The following SMARCA5 variants were observed in gnomAD, a reference collection of about 807,000 sequenced individuals.
SMARCA5 encodes the protein SWI/SNF-related matrix-associated actin-dependent regulator of chromatin subfamily A member 5.
Under a neutral mutation model 140.4 loss-of-function variants are expected in SMARCA5, and 18 were observed. The ratio of observed to expected loss-of-function variants is 0.13; its 90% CI spans 0.09 to 0.19. The LOEUF (loss-of-function observed/expected upper bound fraction) is 0.19. SMARCA5 is among the 10% of genes least tolerant of loss of function. The pLI, the probability that SMARCA5 is intolerant of heterozygous loss-of-function variation, is 1.00. For synonymous variants in SMARCA5, 449 were observed against 419.6 expected (o/e 1.07, Z -0.86); for missense variants, 606 against 1,276.8 (o/e 0.47, Z 8.01).
intron 2 of SMARCA5, among the ~76,000 whole-genome samples, chr4:143,520,126 G>C (rs1415812583): frequency 6.6e-6 from 1 of 152,064 alleles, no homozygotes; most frequent in African/African-American, 2.4e-5. Context: ...AGACATTTCA[G>C]TTTTAACCTT....
intron 11 of SMARCA5, 125 bp from the exon 12 acceptor site, chr4:143,538,465 T>TG: frequency 1.4e-6 from 1 of 713,600 alleles, no homozygotes; most frequent in Non-Finnish European, 2.4e-6. Flanking sequence ...TGTAGATTTT[T>TG]TTCCCCCTTG....
In SMARCA5 at chr4:143,556,375, G is replaced by GT. The variant is rs1363542895; in HGVS notation, c.*3192dup. 6.6e-6 allele frequency: 1 copy of GT among 152,142 alleles called. No homozygotes were observed. Among genetic ancestry groups the GT allele is most frequent in the Non-Finnish European group, 1.5e-5 (1 of 68,020 alleles). The allele number at this position is 152,142 out of a possible 1,614,324, so 9.4% of individuals were successfully genotyped here. A position where few individuals can be genotyped will look rare whatever the true frequency, so the allele number is the denominator to read the frequency against. ...CTGTGGTTTTTCAGAAAAATTCTGAGTAAAAAATAAATTTCATCTTGTTCT... is the reference window on the plus strand; with the variant it reads ...CTGTGGTTTTTCAGAAAAATTCTGAGTTAAAAAATAAATTTCATCTTGTTCT... On this transcript the variant is annotated 3_prime_UTR_variant, in exon 24 of 24. Coordinates refer to ENST00000283131, the MANE Select transcript of SMARCA5 (RefSeq NM_003601.4).
chr4:143,545,415 C>A, intron 17 of SMARCA5, 55 bp from the exon 18 acceptor site: 1 of 1,102,246 alleles, frequency 9.1e-7, no homozygotes. Context: ...ACTAAGGATA[C>A]ATTTAAAATG....
chr4:143,539,195 G>C (rs1737377390), intron 13 of SMARCA5, among the ~76,000 whole-genome samples: 1 of 152,112 alleles, frequency 6.6e-6, no homozygotes, highest in South Asian at 2.1e-4. Context: ...TAGAGTTGGG[G>C]ATTTCCCAGG....
intron 14 of SMARCA5, among the ~76,000 whole-genome samples, chr4:143,542,200 A>C (rs1737442213): frequency 6.6e-6 from 1 of 152,132 alleles, no homozygotes; most frequent in African/African-American, 2.4e-5. Flanking sequence ...TAATTGATTC[A>C]TAATTAATTT....
chr4:143,544,947 CT>C (rs11289994), intron 17 of SMARCA5, 100 bp downstream of exon 17: 174,097 of 360,296 alleles, frequency 0.48, 19,927 homozygotes, highest in African/African-American at 0.6. Context: ...TTTTGTGTTT[CT>C]TTTTTTTTTT....
In SMARCA5 at chr4:143,540,470, A is replaced by G. The variant is rs1398766802; in HGVS notation, c.1878A>G (p.Arg626=). 1.9e-6 allele frequency: 3 copies of G among 1,612,646 alleles called. No homozygotes were observed. Among genetic ancestry groups the G allele is most frequent in the South Asian group, 2.2e-5 (2 of 90,864 alleles). Residue 626 remains arginine, a synonymous_variant, in exon 14 of 24, where the codon AGA becomes AGG. Transcript: ENST00000283131. ...RIVERAEMKL[R]LDSIVIQQGR... ...TAGAACGTGCTGAGATGAAACTCAGACTGGATTCAATAGTCATTCAACAAG... is the reference window on the plus strand; with the variant it reads ...TAGAACGTGCTGAGATGAAACTCAGGCTGGATTCAATAGTCATTCAACAAG...
At chr4:143,519,641 A>G (rs188366067) in intron 2 of SMARCA5, among the ~76,000 whole-genome samples, 8 of 152,252 alleles carry the variant, frequency 5.3e-5, no homozygotes, top group Admixed American at 2.0e-4. Context: ...CTTCTAAGCA[A>G]GAAGCTCCCT....
chr4:143,538,553 G>GA (rs1216291751), intron 11 of SMARCA5, 37 bp from the exon 12 acceptor site: 9 of 1,583,832 alleles, frequency 5.7e-6, no homozygotes, highest in Non-Finnish European at 7.8e-6. Context: ...TTCTACTTTT[G>GA]AAGCCACTGA....
At position 143,539,661 on chromosome 4, in the gene SMARCA5, C is replaced by T. The variant is rs188102943; in HGVS notation, c.1771-702C>T. Among the ~76,000 whole-genome samples the T allele has an allele frequency of 4.4e-3, 676 of 151,982 alleles. 3 individuals are homozygous for T. The highest frequency in any genetic ancestry group is 0.016 in the African/African-American group (646 of 41,438). ...AAGTGATTCTCCTGCCTCAGCCTCC[C>T]GAGTAGCTGGGATTACAGGTGTGCG... is the stretch of plus-strand genomic sequence containing the variant. On this transcript the variant is annotated intron_variant, in intron 13 of 23. Transcript: ENST00000283131.
chr4:143,513,953 C>A lies in SMARCA5; in HGVS notation c.29C>A (p.Pro10His). The A allele has an allele frequency of 6.4e-7, 1 of 1,551,066 alleles. No homozygotes were observed. MSSAAEPPP[P>H]PPPESAPSKP... ...TCGTCCGCGGCCGAGCCTCCGCCAC[C>A]CCCGCCTCCCGAGAGCGCGCCTTCC... Residue 10 changes from proline to histidine, a missense_variant, in exon 1 of 24, where the codon CCC becomes CAC. Pro to His is a moderately conservative substitution (Grantham distance 77). Transcript: ENST00000283131.
intron 7 of SMARCA5, 127 bp from the exon 8 acceptor site, chr4:143,528,456 A>G (rs1036368009): frequency 1.4e-6 from 1 of 694,950 alleles, no homozygotes; most frequent in African/African-American, 1.8e-5. Flanking sequence ...TCGCTGATGT[A>G]TATGTGCCAT....
Position 143,527,886 on chromosome 4 carries a change from G to A in SMARCA5, c.820G>A (p.Val274Ile), listed in dbSNP as rs756987133. The A allele has an allele frequency of 1.3e-5, 20 of 1,592,580 alleles. No individual in the cohort carries two copies. The highest frequency in any genetic ancestry group is 1.9e-5 in the Admixed American group (1 of 52,892). Residue 274 changes from valine to isoleucine, a missense_variant, in exon 7 of 24, where the codon GTT becomes ATT. Val to Ile is a conservative substitution (Grantham distance 29). Transcript: ENST00000283131. ...KEQRAAFVRDVLLPGEWDVCV... is the reference protein window; with the variant it reads ...KEQRAAFVRDILLPGEWDVCV... ...TACACAGGCTGCTTTTGTCAGAGAC[G>A]TTTTATTACCGGGAGAATGGGATGT... is the stretch of plus-strand genomic sequence containing the variant.
chr4:143,555,303 C>T lies in SMARCA5; in HGVS notation c.*2119C>T, dbSNP rs150538547. On this transcript the variant is annotated 3_prime_UTR_variant, in exon 24 of 24. Coordinates refer to ENST00000283131, the MANE Select transcript of SMARCA5 (RefSeq NM_003601.4). The stretch of plus-strand genomic sequence containing the variant: ...TTGCCAAAATCATTGTAGCTTTTAC[C>T]ACCTCCAAAATTGCTTCAATCATTA... The T allele has an allele frequency of 1.0e-3, 804 of 769,464 alleles. 5 individuals carry two copies. In the African/African-American group the frequency reaches 0.011, roughly 11 times the overall value. The allele number at this position is 769,464 out of a possible 1,614,324, so 47.7% of individuals were successfully genotyped here.
intron 4 of SMARCA5, among the ~76,000 whole-genome samples, chr4:143,525,184 A>G (rs1221610948): frequency 6.6e-6 from 1 of 152,126 alleles, no homozygotes; most frequent in African/African-American, 2.4e-5. Context: ...CTCTCAGACC[A>G]GTATATGGGT....
chr4:143,527,631 A>C (rs1279274267), intron 6 of SMARCA5, among the ~76,000 whole-genome samples: 3 of 152,012 alleles, frequency 2.0e-5, no homozygotes, highest in Non-Finnish European at 4.4e-5. Context: ...TGTCTATTGA[A>C]TTTTTCACTG....
At chr4:143,543,267 G>C (rs562894498) in intron 14 of SMARCA5, among the ~76,000 whole-genome samples, 2 of 152,238 alleles carry the variant, frequency 1.3e-5, no homozygotes, top group South Asian at 4.1e-4. Flanking sequence ...CGTTGGCACA[G>C]TATACAGCAG....
chr4:143,543,459 G>A (rs374883751), intron 14 of SMARCA5, 50 bp from the exon 15 acceptor site: 3 of 1,494,196 alleles, frequency 2.0e-6, no homozygotes, highest in Non-Finnish European at 2.7e-6. Context: ...CAAGTTTCCA[G>A]TAAAATAAAG....
intron 9 of SMARCA5, among the ~76,000 whole-genome samples, chr4:143,533,975 C>G (rs1737251418): frequency 6.6e-6 from 1 of 152,122 alleles, no homozygotes; most frequent in East Asian, 1.9e-4. Flanking sequence ...TTTTAAGAAA[C>G]ATTTATTTTG....
Sources: allele counts gnomAD v4.1 joint callset (sites outside exome capture counted in the v4.1 genomes callset), GRCh38; gene constraint gnomAD v4.1.1; transcripts MANE v1.5; gene names NCBI Gene and HGNC (gene_info 2026-07-23, HGNC 2026-07-21).